Variants in RALYL observed in about 807,000 individuals in gnomAD.
RALYL encodes RNA-binding Raly-like protein.
In RALYL, 29 loss-of-function variants were observed where a neutral mutation model predicts 35.1. That is an observed-to-expected ratio of 0.83 (90% CI 0.61 to 1.13). The LOEUF is 1.13. RALYL is among the 50% of genes most tolerant of loss of function. The probability of loss-of-function intolerance (pLI) is 0.00; values close to 1 mark genes in which losing one functional copy is unlikely to be tolerated. For missense variants in RALYL, 359 were observed against 360.4 expected (o/e 1.00, Z 0.03); for synonymous variants, 120 against 127.6 (o/e 0.94, Z 0.40).
chr8:84,251,843 A>T (rs1830249516), intron 1 of RALYL, among the ~76,000 whole-genome samples: 1 of 150,926 alleles, frequency 6.6e-6, no homozygotes, highest in Non-Finnish European at 1.5e-5. Flanking sequence ...ATTTATTTTC[A>T]TTTCTTTTTT....
In RALYL at chr8:84,497,312, G is replaced by A. The variant is rs148278454; in HGVS notation, c.-23-31987G>A. 1.1e-4 allele frequency among the ~76,000 whole-genome samples: 17 copies of A among 152,244 alleles called. 1 individual carries two copies. The East Asian group carries it at 3.1e-3, about 28-fold the overall frequency. On this transcript the variant is annotated intron_variant, in intron 1 of 8. Coordinates refer to ENST00000521268, the MANE Select transcript of RALYL (RefSeq NM_173848.7). ...ATTCACTCAGGTCCATAAAACTGGAGCAAAGTGTGACTTGTACCTTTCACA... is the reference window on the plus strand; with the variant it reads ...ATTCACTCAGGTCCATAAAACTGGAACAAAGTGTGACTTGTACCTTTCACA...
intron 1 of RALYL, among the ~76,000 whole-genome samples, chr8:84,395,957 T>G (rs536150907): frequency 1.3e-5 from 2 of 152,020 alleles, no homozygotes; most frequent in Non-Finnish European, 2.9e-5. Context: ...GAATAATATC[T>G]AATTTGAAGT....
At chr8:84,280,648 C>T (rs999289184) in intron 1 of RALYL, among the ~76,000 whole-genome samples, 4 of 151,642 alleles carry the variant, frequency 2.6e-5, no homozygotes, top group African/African-American at 4.8e-5. Flanking sequence ...CTGACTTTAT[C>T]TTTGCAGCAA....
At chr8:84,586,952 T>A (rs1323135828) in intron 2 of RALYL, among the ~76,000 whole-genome samples, 2 of 152,120 alleles carry the variant, frequency 1.3e-5, no homozygotes, top group East Asian at 3.9e-4. Flanking sequence ...AACATGGGTG[T>A]CTCAACTGTC....
At chr8:84,811,069 T>G (rs13262149) in intron 4 of RALYL, among the ~76,000 whole-genome samples, 2 of 146,874 alleles carry the variant, frequency 1.4e-5, no homozygotes, top group African/African-American at 2.7e-5. Context: ...TTGTTTTTTG[T>G]TTTTTTTTCT....
intron 2 of RALYL, among the ~76,000 whole-genome samples, chr8:84,568,311 G>C (rs1303356528): frequency 6.7e-6 from 1 of 149,670 alleles, no homozygotes; most frequent in African/African-American, 2.5e-5. Context: ...TTGGTTTTTT[G>C]TCCTTGCGAT....
intron 2 of RALYL, among the ~76,000 whole-genome samples, chr8:84,750,552 T>C (rs1458739783): frequency 6.6e-6 from 1 of 152,138 alleles, no homozygotes; most frequent in Non-Finnish European, 1.5e-5. Flanking sequence ...CATGTTGAAA[T>C]GTAATCCTCA....
intron 1 of RALYL, among the ~76,000 whole-genome samples, chr8:84,325,480 C>A (rs991511757): frequency 1.3e-5 from 2 of 152,176 alleles, no homozygotes; most frequent in African/African-American, 4.8e-5. Flanking sequence ...AGTGGCAATG[C>A]CAATTCTTCA....
At chr8:84,624,406 C>CT (rs913947994) in intron 2 of RALYL, among the ~76,000 whole-genome samples, 2 of 152,138 alleles carry the variant, frequency 1.3e-5, no homozygotes, top group Admixed American at 6.6e-5. Flanking sequence ...TTTTCCTTGT[C>CT]TTTTCTGATT....
intron 1 of RALYL, among the ~76,000 whole-genome samples, chr8:84,307,255 A>T (rs1841988095): frequency 6.6e-6 from 1 of 152,100 alleles, no homozygotes; most frequent in Admixed American, 6.5e-5. Context: ...TCAGCCATTT[A>T]TGGGCACACT....
intron 1 of RALYL, among the ~76,000 whole-genome samples, chr8:84,523,641 A>C (rs2058652467): frequency 6.8e-6 from 1 of 147,164 alleles, no homozygotes; most frequent in Non-Finnish European, 1.5e-5. Flanking sequence ...CATTAGGTAT[A>C]TCTCCCAATG....
chr8:84,739,084 C>T (rs1035215259), intron 2 of RALYL, among the ~76,000 whole-genome samples: 1 of 151,730 alleles, frequency 6.6e-6, no homozygotes, highest in African/African-American at 2.4e-5. Flanking sequence ...TTAATGTGTC[C>T]ATGATTAAGA....
chr8:84,266,263 C>T (rs1483218561), intron 1 of RALYL, among the ~76,000 whole-genome samples: 1 of 151,870 alleles, frequency 6.6e-6, no homozygotes, highest in Non-Finnish European at 1.5e-5. Flanking sequence ...AATGTATTTA[C>T]TTCCTGGCAT....
At chr8:84,192,992 G>A (rs1331991831) in intron 1 of RALYL, among the ~76,000 whole-genome samples, 3 of 150,708 alleles carry the variant, frequency 2.0e-5, no homozygotes. Context: ...TGGTTTTATT[G>A]TGTTATTCTT....
In RALYL at chr8:84,529,411, G is replaced by A. The variant is rs376108470; in HGVS notation, c.90G>A (p.Thr30=). The A allele has an allele frequency of 1.6e-4, 264 of 1,612,702 alleles. No individual in the cohort carries two copies. The highest frequency in any genetic ancestry group is 1.2e-3 in the African/African-American group (93 of 74,876). Residue 30 remains threonine (T), a synonymous_variant, in exon 2 of 9, where the codon ACG becomes ACA. Coordinates refer to ENST00000521268, the MANE Select transcript of RALYL (RefSeq NM_173848.7). ...GTGTTTTCATCGGCAATCTAAATACGGCAATTGTCAAGAAAGTTGACATTG... is the reference window on the plus strand; with the variant it reads ...GTGTTTTCATCGGCAATCTAAATACAGCAATTGTCAAGAAAGTTGACATTG... ...NSRVFIGNLN[T]AIVKKVDIEA...
chr8:84,570,931 C>T (rs978075594), intron 2 of RALYL, among the ~76,000 whole-genome samples: 12 of 151,554 alleles, frequency 7.9e-5, no homozygotes, highest in Admixed American at 7.3e-4. Context: ...GGAATAAAAC[C>T]CACTTGACCA....
At chr8:84,901,169 T>C (rs965248555) in intron 8 of RALYL, among the ~76,000 whole-genome samples, 5 of 152,094 alleles carry the variant, frequency 3.3e-5, no homozygotes, top group Admixed American at 1.3e-4. Flanking sequence ...AAGATTTATA[T>C]CTCCAAGGGG....
intron 1 of RALYL, among the ~76,000 whole-genome samples, chr8:84,277,847 C>T (rs1328080532): frequency 1.3e-4 from 20 of 152,220 alleles, no homozygotes; most frequent in Admixed American, 1.3e-3. Flanking sequence ...TGGGCAGCTC[C>T]ACCCCTGTGG....
chr8:84,621,192 G>C (rs1821336206), intron 2 of RALYL, among the ~76,000 whole-genome samples: 1 of 152,170 alleles, frequency 6.6e-6, no homozygotes, highest in Non-Finnish European at 1.5e-5. Flanking sequence ...CCCCAGCCTT[G>C]CTGCCCCCTT....
Sources: gnomAD v4.1 joint callset for allele counts (sites outside exome capture counted in the v4.1 genomes callset) on GRCh38, gnomAD v4.1.1 for gene constraint, MANE v1.5 for transcripts, NCBI Gene and HGNC (gene_info 2026-07-23, HGNC 2026-07-21) for gene names.